ZHX2: variants seen among roughly 807,000 people sequenced by gnomAD.
The protein encoded by ZHX2 is zinc fingers and homeoboxes protein 2.
Under a neutral mutation model 21.9 loss-of-function variants are expected in ZHX2, and 6 were observed. The ratio of observed to expected loss-of-function variants is 0.27; its 90% confidence interval spans 0.15 to 0.54. The LOEUF is 0.54. Among genes scored for constraint, ZHX2 ranks in the 20% least tolerant of loss-of-function variants. The pLI is 0.95. For synonymous variants in ZHX2, 434 were observed against 437.1 expected, an observed-to-expected ratio of 0.99 and a Z score of 0.09; for missense variants, 908 against 1,090.7, an observed-to-expected ratio of 0.83 and a Z score of 2.36.
intron 1 of ZHX2, among the ~76,000 whole-genome samples, chr8:122,818,122 A>G (rs961212148): frequency 2.0e-5 from 3 of 152,126 alleles, no homozygotes; most frequent in Non-Finnish European, 4.4e-5. Flanking sequence ...TTTAGAGCCA[A>G]GTGAGTCAGG....
chr8:122,949,670 CCCTG>C (rs998002748), intron 2 of ZHX2, among the ~76,000 whole-genome samples: 1 of 151,960 alleles, frequency 6.6e-6, no homozygotes, highest in Non-Finnish European at 1.5e-5. Flanking sequence ...ATGGCAAAAC[CCCTG>C]GACAACATGG....
chr8:122,909,237 C>T (rs1261969304), intron 2 of ZHX2, among the ~76,000 whole-genome samples: 1 of 152,084 alleles, frequency 6.6e-6, no homozygotes, highest in Non-Finnish European at 1.5e-5. Context: ...TCAAGACCAG[C>T]TTGGCCCACA....
intron 2 of ZHX2, among the ~76,000 whole-genome samples, chr8:122,914,852 A>G (rs574325714): frequency 1.4e-4 from 21 of 152,246 alleles, no homozygotes; most frequent in Admixed American, 5.2e-4. Context: ...TTGGGGTGGC[A>G]TGTCTCACTC....
intron 2 of ZHX2, among the ~76,000 whole-genome samples, chr8:122,921,537 C>T (rs992030734): frequency 5.9e-5 from 9 of 152,082 alleles, no homozygotes; most frequent in African/African-American, 9.7e-5. Context: ...GAAGCGTGGG[C>T]GTGGTGATTC....
chr8:122,866,284 G>A lies in ZHX2; in HGVS notation c.-220+2745G>A, dbSNP rs190405095. On this transcript the variant is annotated intron_variant, in intron 2 of 3. Transcript: ENST00000314393. Reference sequence around the variant, plus strand: ...ATGGCTGGAAGACAAACAGCGTGTCGCCAGATTCCCATAGTGATGATTCAC... The same window carrying A: ...ATGGCTGGAAGACAAACAGCGTGTCACCAGATTCCCATAGTGATGATTCAC... Among the ~76,000 whole-genome samples the A allele has an allele frequency of 1.6e-3, 241 of 152,280 alleles. 4 individuals carry two copies. The South Asian group carries it at 0.039, about 25-fold the overall frequency.
intron 1 of ZHX2, among the ~76,000 whole-genome samples, chr8:122,835,286 C>T (rs1474561855): frequency 3.9e-5 from 6 of 152,212 alleles, no homozygotes; most frequent in African/African-American, 1.2e-4. Context: ...AAGGGCGGGG[C>T]ATGGGCCAAA....
At chr8:122,788,947 A>G (rs531084414) in intron 1 of ZHX2, among the ~76,000 whole-genome samples, 13 of 152,330 alleles carry the variant, frequency 8.5e-5, no homozygotes, top group African/African-American at 2.9e-4. Context: ...AAAAGAGGCC[A>G]TTGTAAAGCC....
intron 1 of ZHX2, among the ~76,000 whole-genome samples, chr8:122,842,955 C>T (rs1231877589): frequency 1.3e-5 from 2 of 152,218 alleles, no homozygotes; most frequent in Non-Finnish European, 2.9e-5. Context: ...GCAGGTGAGG[C>T]CCCCAAACCT....
intron 2 of ZHX2, among the ~76,000 whole-genome samples, 175 bp from the exon 3 acceptor site, chr8:122,951,117 G>C (rs1041558035): frequency 6.6e-6 from 1 of 152,122 alleles, no homozygotes; most frequent in African/African-American, 2.4e-5. Flanking sequence ...CCAAAAAAAG[G>C]AAGAGAAGAA....
At chr8:122,937,123 G>A (rs1442882878) in intron 2 of ZHX2, among the ~76,000 whole-genome samples, 1 of 152,236 alleles carries the variant, frequency 6.6e-6, no homozygotes, top group East Asian at 1.9e-4. Context: ...GCATCCAACC[G>A]GGGAGGCCCA....
intron 1 of ZHX2, among the ~76,000 whole-genome samples, chr8:122,806,149 A>G (rs900134885): frequency 2.0e-5 from 3 of 152,226 alleles, no homozygotes; most frequent in Non-Finnish European, 4.4e-5. Context: ...GAAATCAAGG[A>G]TGAATGAGTC....
intron 2 of ZHX2, among the ~76,000 whole-genome samples, chr8:122,937,670 C>T (rs1202119709): frequency 4.0e-5 from 6 of 151,870 alleles, no homozygotes; most frequent in Admixed American, 2.6e-4. Context: ...ACCTCTGCCT[C>T]CCGGGCTCAA....
intron 1 of ZHX2, among the ~76,000 whole-genome samples, chr8:122,858,163 C>T (rs937638081): frequency 1.3e-5 from 2 of 152,204 alleles, no homozygotes; most frequent in Non-Finnish European, 1.5e-5. Flanking sequence ...TCTGGGCTGG[C>T]TCCAGCCAGG....
chr8:122,931,214 G>A (rs1182683529), intron 2 of ZHX2, among the ~76,000 whole-genome samples: 1 of 152,124 alleles, frequency 6.6e-6, no homozygotes. Context: ...GGACACAGTC[G>A]TGCATGAGGC....
intron 1 of ZHX2, among the ~76,000 whole-genome samples, chr8:122,854,535 T>C (rs1818983451): frequency 6.6e-6 from 1 of 151,946 alleles, no homozygotes; most frequent in Non-Finnish European, 1.5e-5. Flanking sequence ...AGCCTTCCAG[T>C]CCCTCGACGC....
At chr8:122,816,057 G>A (rs1231976326) in intron 1 of ZHX2, among the ~76,000 whole-genome samples, 2 of 144,626 alleles carry the variant, frequency 1.4e-5, no homozygotes, top group Non-Finnish European at 3.0e-5. Context: ...TCCAGCCTGG[G>A]CGACAGAGCA....
chr8:122,909,816 A>T (rs140174399), intron 2 of ZHX2, among the ~76,000 whole-genome samples: 1 of 151,960 alleles, frequency 6.6e-6, no homozygotes, highest in Non-Finnish European at 1.5e-5. Context: ...CCTCCCATCC[A>T]TCTTGCAGCC....
At chr8:122,925,378 G>C (rs1460917051) in intron 2 of ZHX2, among the ~76,000 whole-genome samples, 1 of 152,166 alleles carries the variant, frequency 6.6e-6, no homozygotes, top group East Asian at 1.9e-4. Flanking sequence ...GCAGGCCCCA[G>C]TTCTTAGTGC....
At chr8:122,783,347 C>G (rs1189258243) in intron 1 of ZHX2, among the ~76,000 whole-genome samples, 2 of 152,116 alleles carry the variant, frequency 1.3e-5, no homozygotes, top group African/African-American at 4.8e-5. Context: ...CCAACCTGCT[C>G]TCTGATCACT....
Sources: gnomAD v4.1 joint callset for allele counts (sites outside exome capture counted in the v4.1 genomes callset) on GRCh38, gnomAD v4.1.1 for gene constraint, MANE v1.5 for transcripts, NCBI Gene and HGNC (gene_info 2026-07-23, HGNC 2026-07-21) for gene names.